Variants in YY1AP1 observed in about 807,000 individuals in gnomAD.
YY1AP1 encodes the protein YY1 associated protein 1, also known as YY1-associated protein 1.
Under a neutral mutation model 39.9 loss-of-function variants are expected in YY1AP1, and 43 were observed. The ratio of observed to expected loss-of-function variants is 1.08; its 90% CI spans 0.84 to 1.39. The LOEUF (loss-of-function observed/expected upper bound fraction) is 1.39, where lower values mean the gene tolerates loss of function less well. Among genes scored for constraint, YY1AP1 ranks in the 40% most tolerant of loss-of-function variants. The probability of loss-of-function intolerance (pLI) is 0.00; values close to 1 mark genes in which losing one functional copy is unlikely to be tolerated. For missense variants in YY1AP1, 813 were observed against 900.7 expected (o/e 0.90, Z 1.25); for synonymous variants, 292 against 331.3 (o/e 0.88, Z 1.29).
intron 9 of YY1AP1, among the ~76,000 whole-genome samples, chr1:155,664,992 G>C (rs561235925): frequency 6.6e-5 from 10 of 151,784 alleles, no homozygotes; most frequent in Admixed American, 2.6e-4. Context: ...GGATGGTCTC[G>C]ATTTCCCGAC....
intron 8 of YY1AP1, 31 bp downstream of exon 8, chr1:155,670,289 G>T: frequency 6.2e-7 from 1 of 1,611,524 alleles, no homozygotes; most frequent in Non-Finnish European, 8.5e-7. Context: ...CTTCTCCTTG[G>T]GATATTTGAT....
chr1:155,688,314 C>G (rs917973173), intron 1 of YY1AP1, 113 bp from the exon 2 acceptor site: 8 of 1,560,506 alleles, frequency 5.1e-6, no homozygotes, highest in Admixed American at 1.9e-5. Flanking sequence ...AAAGCGAACC[C>G]AAAATGGCGG....
At chr1:155,668,956 T>G (rs1649458176) in intron 8 of YY1AP1, among the ~76,000 whole-genome samples, 179 bp from the exon 9 acceptor site, 1 of 152,192 alleles carries the variant, frequency 6.6e-6, no homozygotes, top group Non-Finnish European at 1.5e-5. Context: ...TGCTACTTCC[T>G]AAGCTGAAGC....
At chr1:155,674,619 G>T (rs966542336) in intron 6 of YY1AP1, 55 of 180,082 alleles carry the variant, frequency 3.1e-4, no homozygotes, top group Admixed American at 2.9e-4. Context: ...TTGAAGTCAG[G>T]AATTCGAGAC....
At chr1:155,668,533 A>G (rs1558304560) in intron 9 of YY1AP1, 94 bp downstream of exon 9, 4 of 1,598,114 alleles carry the variant, frequency 2.5e-6, no homozygotes, top group Non-Finnish European at 3.4e-6. Context: ...AGCTTTAGAT[A>G]AAAGAAGGTT....
At chr1:155,678,611 G>A (rs557138149) in intron 4 of YY1AP1, among the ~76,000 whole-genome samples, 34 of 152,298 alleles carry the variant, frequency 2.2e-4, no homozygotes, top group Non-Finnish European at 4.3e-4. Context: ...TGTTGTAATG[G>A]AGAATGACTA....
intron 4 of YY1AP1, among the ~76,000 whole-genome samples, chr1:155,678,470 T>C (rs1438464910): frequency 6.6e-6 from 1 of 152,212 alleles, no homozygotes; most frequent in African/African-American, 2.4e-5. Context: ...CAGATCCTAT[T>C]ATACGTTCCC....
chr1:155,664,567 C>A (rs2149029958), intron 9 of YY1AP1, among the ~76,000 whole-genome samples: 1 of 152,060 alleles, frequency 6.6e-6, no homozygotes, highest in African/African-American at 2.4e-5. Context: ...AACCCCATCT[C>A]TACTAAAAAT....
At chr1:155,669,541 AG>A (rs1649541880) in intron 8 of YY1AP1, among the ~76,000 whole-genome samples, 1 of 152,218 alleles carries the variant, frequency 6.6e-6, no homozygotes, top group Non-Finnish European at 1.5e-5. Flanking sequence ...AACAACACAA[AG>A]GAAGTTCAAA....
intron 6 of YY1AP1, among the ~76,000 whole-genome samples, chr1:155,673,589 C>T (rs529719902): frequency 8.5e-5 from 13 of 152,170 alleles, no homozygotes; most frequent in African/African-American, 3.1e-4. Flanking sequence ...CTCTGTCACC[C>T]AGGCTGGAGT....
intron 1 of YY1AP1, 196 bp from the exon 2 acceptor site, chr1:155,688,397 C>T (rs1419779499): frequency 6.5e-7 from 1 of 1,544,074 alleles, no homozygotes; most frequent in Admixed American, 2.0e-5. Flanking sequence ...TAGCGACACC[C>T]CCAACCTCCC....
chr1:155,688,718 C>CGCCCGCACG lies in YY1AP1; in HGVS notation c.-220_-212dup. 2 of 1,520,044 alleles carry CGCCCGCACG rather than the reference C, an allele frequency of 1.3e-6. No individual in the cohort carries two copies. The highest frequency in any genetic ancestry group is 1.8e-6 in the Non-Finnish European group (2 of 1,140,804). The allele number at this position is 1,520,044 out of a possible 1,614,324, so 94.2% of individuals were successfully genotyped here. ...CTCTTCTCTCCTCCCCCTCCCTCCC[C>CGCCCGCACG]GCCCGCACGGCCACCAACCGCCGCC... On this transcript the variant is annotated 5_prime_UTR_variant, in exon 1 of 11. Transcript: ENST00000355499.
Position 155,679,438 on chromosome 1 carries a change from T to G in YY1AP1, c.96A>C (p.Gln32His), listed in dbSNP as rs746454557. The change falls in exon 4 of 11, where the codon CAA (glutamine) becomes CAC (histidine). Residue 32 changes from glutamine (Q) to histidine (H), a missense_variant. Gln to His is a conservative substitution (Grantham distance 24, BLOSUM62 0). Coordinates refer to ENST00000355499, the MANE Select transcript of YY1AP1 (RefSeq NM_139119.3). Reference protein sequence around the residue: ...PEEEERVAEPQANFNTPQALR... With the variant: ...PEEEERVAEPHANFNTPQALR... ...GAGCTTGAGGGGTGTTAAAGTTAGC[T>G]TGAGGCTCAGCCACACGCTCCTCCT... The G allele has an allele frequency of 3.7e-6, 6 of 1,614,224 alleles. No homozygotes were observed. Among genetic ancestry groups the G allele is most frequent in the Non-Finnish European group, 5.1e-6 (6 of 1,180,036 alleles).
chr1:155,674,160 C>CAAAA (rs59337809), intron 6 of YY1AP1, among the ~76,000 whole-genome samples: 13 of 73,610 alleles, frequency 1.8e-4, no homozygotes, highest in African/African-American at 3.0e-4. Context: ...GACTCCGTCT[C>CAAAA]AAAAAAAAAA....
chr1:155,680,249 T>C, intron 3 of YY1AP1, 167 bp downstream of exon 3: 1 of 646,058 alleles, frequency 1.5e-6, no homozygotes, highest in South Asian at 1.9e-5. Context: ...TAATCAAGAG[T>C]CTAGCAGTTA....
intron 2 of YY1AP1, among the ~76,000 whole-genome samples, chr1:155,684,820 T>C (rs1311079562): frequency 6.6e-6 from 1 of 152,142 alleles, no homozygotes; most frequent in Non-Finnish European, 1.5e-5. Flanking sequence ...TTCTGAGCTC[T>C]GACAATCCAT....
At chr1:155,669,507 T>A (rs1248396809) in intron 8 of YY1AP1, among the ~76,000 whole-genome samples, 2 of 152,160 alleles carry the variant, frequency 1.3e-5, no homozygotes, top group African/African-American at 4.8e-5. Flanking sequence ...TCAATAAATG[T>A]CAGATCATGA....
intron 10 of YY1AP1, 158 bp downstream of exon 10, chr1:155,661,149 G>A (rs1648035568): frequency 1.3e-6 from 2 of 1,566,482 alleles, no homozygotes; most frequent in Non-Finnish European, 1.7e-6. Flanking sequence ...ATCACCCGGA[G>A]AAGGGCAGAA....
chr1:155,665,664 G>A (rs1024950172), intron 9 of YY1AP1, among the ~76,000 whole-genome samples: 1 of 151,382 alleles, frequency 6.6e-6, no homozygotes, highest in Non-Finnish European at 1.5e-5. Context: ...TGTAATCCCC[G>A]CACTCTGGGA....
Sources: allele counts gnomAD v4.1 joint callset (sites outside exome capture counted in the v4.1 genomes callset), GRCh38; gene constraint gnomAD v4.1.1; transcripts MANE v1.5; gene names NCBI Gene and HGNC (gene_info 2026-07-23, HGNC 2026-07-21).